KMT2C: variants seen among roughly 807,000 people sequenced by gnomAD.
KMT2C encodes the protein histone-lysine N-methyltransferase 2C.
Under a neutral mutation model 507.9 loss-of-function variants are expected in KMT2C, and 88 were observed. That is an observed-to-expected ratio of 0.17 (90% CI 0.15 to 0.21). The LOEUF (loss-of-function observed/expected upper bound fraction) is 0.21. Ranked by LOEUF, KMT2C falls within the 10% of genes least tolerant of loss-of-function variation. KMT2C has a pLI of 1.00. For synonymous variants in KMT2C, 2,049 were observed against 2,080.8 expected, an observed-to-expected ratio of 0.98 and a Z score of 0.42; for missense variants, 4,954 against 5,957.8, an observed-to-expected ratio of 0.83 and a Z score of 5.55.
In KMT2C at chr7:152,315,838, G is replaced by A. The variant is rs139812130; in HGVS notation, c.390-500C>T. Reference sequence around the variant, plus strand: ...TGGCTGAGGCACCTCGCTTGTATCCGGGAGGTAGAGGTTGTAGTAAGCTGA... The same window carrying A: ...TGGCTGAGGCACCTCGCTTGTATCCAGGAGGTAGAGGTTGTAGTAAGCTGA... On this transcript the variant is annotated intron_variant, in intron 3 of 58. Transcript: ENST00000262189. Among the ~76,000 whole-genome samples the A allele has an allele frequency of 3.6e-3, 554 of 152,148 alleles. 3 individuals are homozygous for A. Among genetic ancestry groups the A allele is most frequent in the African/African-American group, 0.013 (529 of 41,530 alleles).
chr7:152,343,073 A>T (rs2097013895), intron 2 of KMT2C, among the ~76,000 whole-genome samples: 1 of 152,184 alleles, frequency 6.6e-6, no homozygotes, highest in African/African-American at 2.4e-5. Flanking sequence ...CCAGTGTACT[A>T]CACCTGGCTA....
intron 1 of KMT2C, among the ~76,000 whole-genome samples, chr7:152,392,719 T>G (rs2097508788): frequency 6.6e-6 from 1 of 152,286 alleles, no homozygotes; most frequent in Admixed American, 6.5e-5. Context: ...CACAGCTAAT[T>G]AAGTAATGGA....
intron 6 of KMT2C, among the ~76,000 whole-genome samples, chr7:152,283,748 G>A (rs1381426765): frequency 1.3e-5 from 2 of 152,092 alleles, no homozygotes; most frequent in Non-Finnish European, 2.9e-5. Context: ...AAGTGATAAA[G>A]CAGATTTCCA....
At chr7:152,392,867 A>T (rs560612313) in intron 1 of KMT2C, among the ~76,000 whole-genome samples, 2 of 148,634 alleles carry the variant, frequency 1.3e-5, no homozygotes, top group African/African-American at 2.6e-5. Context: ...CTTGTTATAT[A>T]ATAAGCCAGT....
chr7:152,228,259 TA>T (rs2094995552), intron 18 of KMT2C, among the ~76,000 whole-genome samples: 1 of 152,140 alleles, frequency 6.6e-6, no homozygotes, highest in Non-Finnish European at 1.5e-5. Flanking sequence ...CCAGTAATTT[TA>T]AAGAGTGTTA....
At chr7:152,169,548 T>C (rs1046143035) in intron 40 of KMT2C, among the ~76,000 whole-genome samples, 7 of 152,210 alleles carry the variant, frequency 4.6e-5, no homozygotes, top group Non-Finnish European at 2.9e-5. Flanking sequence ...TTACTGCTAA[T>C]ACTAAGCGAG....
rs541742094 is a variant in KMT2C, at chr7:152,175,865, A to G, written c.9262+326T>C. 7.1e-4 allele frequency among the ~76,000 whole-genome samples: 108 copies of G among 152,200 alleles called. 7 individuals are homozygous for G. In the South Asian group the frequency reaches 0.022, roughly 32 times the overall value. On this transcript the variant is annotated intron_variant, in intron 38 of 58. Coordinates refer to ENST00000262189, the MANE Select transcript of KMT2C (RefSeq NM_170606.3). ...AGACCAGCCTGGCCAACATGGTGAA[A>G]CCCCGCACCTCTACTAAAAATACAA... is the stretch of plus-strand genomic sequence containing the variant.
chr7:152,231,871 AGTT>A (rs2095127027), intron 16 of KMT2C, among the ~76,000 whole-genome samples: 1 of 131,474 alleles, frequency 7.6e-6, no homozygotes, highest in Admixed American at 7.7e-5. Flanking sequence ...ATTTAAAAGC[AGTT>A]TTTTTGTTTG....
At chr7:152,335,637 C>A (rs1047887771) in intron 2 of KMT2C, among the ~76,000 whole-genome samples, 1 of 152,106 alleles carries the variant, frequency 6.6e-6, no homozygotes, top group Admixed American at 6.6e-5. Flanking sequence ...CTTCTCCTAG[C>A]GAAGTATATA....
intron 55 of KMT2C, among the ~76,000 whole-genome samples, chr7:152,143,382 A>T (rs1233423065): frequency 6.6e-6 from 1 of 152,266 alleles, no homozygotes; most frequent in Non-Finnish European, 1.5e-5. Context: ...CAAGGAAACA[A>T]AGAACAGAAG....
At position 152,271,286 on chromosome 7, in the gene KMT2C, A is replaced by T. The variant is rs1394517387; in HGVS notation, c.1012+2419T>A. ...GGTGACAAAACATCCTATCTGCAAT[A>T]TTCTTTAAATTATATCCTTGGTACT... is the stretch of plus-strand genomic sequence containing the variant. On this transcript the variant is annotated intron_variant, in intron 7 of 58. Transcript: ENST00000262189. 2.0e-5 allele frequency among the ~76,000 whole-genome samples: 3 copies of T among 152,182 alleles called. No individual in the cohort carries two copies. The East Asian group carries it at 5.8e-4, about 29-fold the overall frequency.
intron 51 of KMT2C, 135 bp from the exon 52 acceptor site, chr7:152,149,287 A>T (rs2129095809): frequency 6.8e-6 from 5 of 736,452 alleles, no homozygotes; most frequent in East Asian, 3.0e-5. Flanking sequence ...AGTCAGCAGT[A>T]AGTGCTGGGG....
chr7:152,400,374 TA>T (rs1248284876), intron 1 of KMT2C, among the ~76,000 whole-genome samples: 6 of 152,164 alleles, frequency 3.9e-5, no homozygotes, highest in African/African-American at 1.4e-4. Flanking sequence ...GTGAAGCACA[TA>T]AAGTATTTTG....
At chr7:152,248,889 C>G (rs1187319975) in intron 13 of KMT2C, among the ~76,000 whole-genome samples, 1 of 152,134 alleles carries the variant, frequency 6.6e-6, no homozygotes, top group African/African-American at 2.4e-5. Context: ...TTCTCATACT[C>G]ATTTTTTAGT....
intron 6 of KMT2C, among the ~76,000 whole-genome samples, chr7:152,288,280 T>C (rs991655925): frequency 3.6e-4 from 51 of 143,454 alleles, no homozygotes; most frequent in Non-Finnish European, 7.2e-4. Context: ...AGGCCTGTAA[T>C]CCTAGCATTT....
chr7:152,415,397 C>A (rs901747054), intron 1 of KMT2C, among the ~76,000 whole-genome samples: 2 of 152,014 alleles, frequency 1.3e-5, no homozygotes, highest in Non-Finnish European at 2.9e-5. Context: ...CTTAAATGAA[C>A]TAAAAGAAAT....
Position 152,162,748 on chromosome 7 carries a change from T to C in KMT2C, c.10829A>G (p.Lys3610Arg). The stretch of plus-strand genomic sequence containing the variant: ...GGATTCTGCATCATCATCTCTTTTC[T>C]TCTTTCTTGTTCTTTTCTTTTTCCC... ...EKGKKKRTRK[K>R]KRDDDAESTK... Residue 3610 changes from lysine to arginine, a missense_variant, in exon 43 of 59, where the codon AAG becomes AGG. Around this residue, in one of 29 missense-constraint regions of KMT2C, gnomAD observed 801 missense variants for 751.2 expected, o/e 1.07. Transcript: ENST00000262189. 6.2e-7 allele frequency: 1 copy of C among 1,614,228 alleles called. No homozygotes were observed. Among genetic ancestry groups the C allele is most frequent in the Non-Finnish European group, 8.5e-7 (1 of 1,180,040 alleles).
At chr7:152,410,455 G>C (rs2097670007) in intron 1 of KMT2C, among the ~76,000 whole-genome samples, 1 of 151,658 alleles carries the variant, frequency 6.6e-6, no homozygotes, top group Non-Finnish European at 1.5e-5. Context: ...GCACACCCCT[G>C]TAATCCCAGC....
At chr7:152,226,218 C>CATTTTTTTTTTTTTTTTTTTT (rs1563479395) in intron 18 of KMT2C, among the ~76,000 whole-genome samples, 2 of 128,026 alleles carry the variant, frequency 1.6e-5, no homozygotes, top group African/African-American at 6.5e-5. Context: ...CATTACAAGG[C>CATTTTTTTTTTTTTTTTTTTT]CTTTTTTTTT....
Sources: gnomAD v4.1 joint callset for allele counts (sites outside exome capture counted in the v4.1 genomes callset) on GRCh38, gnomAD v4.1.1 for gene constraint, gnomAD v4.1.1 regional missense constraint, MANE v1.5 for transcripts, NCBI Gene and HGNC (gene_info 2026-07-23, HGNC 2026-07-21) for gene names.